Variants in ARID4B observed in about 807,000 individuals in gnomAD.
ARID4B encodes AT-rich interactive domain-containing protein 4B.
ARID4B carries 26 observed loss-of-function variants against 147.5 expected under a neutral mutation model. That is an observed-to-expected ratio of 0.18 (90% CI 0.13 to 0.24). The LOEUF (loss-of-function observed/expected upper bound fraction) is 0.24. Ranked by LOEUF, ARID4B falls within the 10% of genes least tolerant of loss-of-function variation. The pLI is 1.00. For missense variants in ARID4B, 1,179 were observed against 1,511.5 expected, an observed-to-expected ratio of 0.78 and a Z score of 3.65; for synonymous variants, 512 against 507.9, an observed-to-expected ratio of 1.01 and a Z score of -0.11.
At chr1:235,310,330 C>T (rs1673959574) in intron 2 of ARID4B, among the ~76,000 whole-genome samples, 1 of 152,126 alleles carries the variant, frequency 6.6e-6, no homozygotes, top group Admixed American at 6.6e-5. Flanking sequence ...CAAAAAGTCA[C>T]TAAATGGCAA....
At chr1:235,187,084 T>G in intron 19 of ARID4B, 1 of 385,394 alleles carries the variant, frequency 2.6e-6, no homozygotes, top group Non-Finnish European at 5.0e-6. Flanking sequence ...ATTCTTTTTT[T>G]TTTTTTTTTT....
chr1:235,324,822 G>A (rs1675105487), intron 2 of ARID4B, among the ~76,000 whole-genome samples: 1 of 152,152 alleles, frequency 6.6e-6, no homozygotes, highest in African/African-American at 2.4e-5. Flanking sequence ...AGCTACTCAG[G>A]AGGCTGAGGT....
chr1:235,312,700 G>A (rs750668705), intron 2 of ARID4B, among the ~76,000 whole-genome samples: 6 of 152,240 alleles, frequency 3.9e-5, no homozygotes, highest in Middle Eastern at 3.4e-3. Context: ...GGGGCTGGGC[G>A]TGGTGGCTCC....
intron 18 of ARID4B, 21 bp downstream of exon 18, chr1:235,196,010 G>A: frequency 1.4e-6 from 2 of 1,451,174 alleles, no homozygotes; most frequent in Non-Finnish European, 1.9e-6. Context: ...CTAATAGTGT[G>A]TAGTAAAAAC....
intron 19 of ARID4B, among the ~76,000 whole-genome samples, chr1:235,184,208 C>T (rs374012617): frequency 1.3e-5 from 2 of 152,096 alleles, no homozygotes; most frequent in East Asian, 3.8e-4. Context: ...ATGGAACTTA[C>T]TGCTTCAGTG....
chr1:235,285,797 A>C (rs1156267279), intron 2 of ARID4B, among the ~76,000 whole-genome samples: 2 of 152,352 alleles, frequency 1.3e-5, no homozygotes, highest in African/African-American at 4.8e-5. Context: ...CATTAGCAAC[A>C]ATCAGAAATT....
chr1:235,296,843 A>AGGGGGGGAG (rs1553313983), intron 2 of ARID4B, among the ~76,000 whole-genome samples: 2 of 48,934 alleles, frequency 4.1e-5, no homozygotes, highest in Non-Finnish European at 8.1e-5. Flanking sequence ...GGAAGGGAGG[A>AGGGGGGGAG]AGGAGGGAGG....
chr1:235,260,448 A>T (rs1160023756), intron 3 of ARID4B, among the ~76,000 whole-genome samples, 194 bp downstream of exon 3: 1 of 152,236 alleles, frequency 6.6e-6, no homozygotes, highest in African/African-American at 2.4e-5. Flanking sequence ...CATTCAAAAT[A>T]CCAACTGTGA....
intron 2 of ARID4B, among the ~76,000 whole-genome samples, chr1:235,276,075 C>T (rs1332867509): frequency 6.6e-6 from 1 of 151,452 alleles, no homozygotes; most frequent in Non-Finnish European, 1.5e-5. Flanking sequence ...GGAGTAGAGG[C>T]TGCAGCAAGC....
intron 2 of ARID4B, among the ~76,000 whole-genome samples, chr1:235,276,878 T>A (rs566993659): frequency 2.0e-5 from 3 of 151,382 alleles, no homozygotes; most frequent in Non-Finnish European, 4.4e-5. Context: ...CGGGTGCCTG[T>A]AATCCCAGCT....
chr1:235,204,046 G>A (rs529562780), intron 17 of ARID4B, among the ~76,000 whole-genome samples: 25 of 152,114 alleles, frequency 1.6e-4, no homozygotes, highest in Middle Eastern at 3.4e-3. Context: ...AATTCCTGCC[G>A]GGTGCAGTGG....
intron 2 of ARID4B, among the ~76,000 whole-genome samples, chr1:235,308,861 A>G (rs1056479901): frequency 3.9e-5 from 6 of 152,158 alleles, no homozygotes; most frequent in Admixed American, 3.3e-4. Context: ...TTGGCCTCCC[A>G]AAGTGCCGAG....
intron 7 of ARID4B, 35 bp from the exon 8 acceptor site, chr1:235,240,486 T>A (rs1572056690): frequency 6.3e-6 from 10 of 1,590,734 alleles, no homozygotes; most frequent in Non-Finnish European, 8.6e-6. Context: ...TTTCCATTTA[T>A]CCTCACAAAG....
Position 235,172,625 on chromosome 1 carries a change from CTCTT to C in ARID4B, c.3800_3803del (p.Lys1267ArgfsTer19). The C allele has an allele frequency of 6.4e-7, 1 of 1,556,794 alleles. No individual in the cohort carries two copies. The highest frequency in any genetic ancestry group is 8.7e-7 in the Non-Finnish European group (1 of 1,155,750). ...TAAAGTAAAAATACTTACTTTCTCTCTCTTTCTTCTTTAAACGCTTTCTCCTCCG... is the reference window on the plus strand; with the variant it reads ...TAAAGTAAAAATACTTACTTTCTCTCTCTTCTTTAAACGCTTTCTCCTCCG... On this transcript the variant is annotated frameshift_variant, in exon 23 of 24. Transcript: ENST00000264183. LOFTEE classifies it high-confidence loss of function.
At chr1:235,319,864 C>A (rs1178520113) in intron 2 of ARID4B, among the ~76,000 whole-genome samples, 1 of 151,944 alleles carries the variant, frequency 6.6e-6, no homozygotes, top group Non-Finnish European at 1.5e-5. Flanking sequence ...CGAGGTGACT[C>A]ACACCTGTAA....
At position 235,182,548 on chromosome 1, in the gene ARID4B, C is replaced by T. The variant is rs1176638074; in HGVS notation, c.2371G>A (p.Glu791Lys). The T allele has an allele frequency of 1.3e-5, 21 of 1,612,660 alleles. No individual in the cohort carries two copies. The highest frequency in any genetic ancestry group is 1.6e-4 in the Middle Eastern group (1 of 6,082). Residue 791 changes from glutamate (E) to lysine (K), a missense_variant, in exon 20 of 24, where the codon GAA (glutamate) becomes AAA (lysine). Glu to Lys is a moderately conservative substitution (Grantham distance 56). Coordinates refer to ENST00000264183, the MANE Select transcript of ARID4B (RefSeq NM_016374.6). ...RLRKDIEVLS[E>K]DTDYEEDEVT... Reference sequence around the variant, plus strand: ...TCATCTTCTTCATAATCAGTATCTTCGGATAATACTTCTATATCTTTCCTT... The same window carrying T: ...TCATCTTCTTCATAATCAGTATCTTTGGATAATACTTCTATATCTTTCCTT...
intron 8 of ARID4B, among the ~76,000 whole-genome samples, chr1:235,239,460 C>CA (rs2103069783): frequency 6.6e-6 from 1 of 152,242 alleles, no homozygotes; most frequent in South Asian, 2.1e-4. Context: ...TTAAGAGCTA[C>CA]AAATTATTTT....
intron 2 of ARID4B, among the ~76,000 whole-genome samples, chr1:235,309,164 G>A (rs1256161850): frequency 8.1e-5 from 12 of 147,440 alleles, no homozygotes; most frequent in South Asian, 6.6e-4. Flanking sequence ...CTGCCCGGCC[G>A]TGACCCCGTC....
intron 2 of ARID4B, among the ~76,000 whole-genome samples, chr1:235,314,710 A>T (rs966320005): frequency 3.9e-5 from 6 of 152,124 alleles, no homozygotes; most frequent in Admixed American, 2.6e-4. Context: ...GTTTATATTT[A>T]ATTTACATAT....
Sources: allele counts gnomAD v4.1 joint callset (sites outside exome capture counted in the v4.1 genomes callset), GRCh38; gene constraint gnomAD v4.1.1; transcripts MANE v1.5; gene names NCBI Gene and HGNC (gene_info 2026-07-23, HGNC 2026-07-21).